Variants in CCDC149 observed in about 807,000 individuals in gnomAD.
CCDC149 encodes coiled-coil domain containing 149.
CCDC149 carries 45 observed loss-of-function variants against 59.9 expected under a neutral mutation model. That is an observed-to-expected ratio of 0.75 (90% confidence interval 0.59 to 0.96). The LOEUF (loss-of-function observed/expected upper bound fraction) is 0.96. CCDC149 is among the 40% of genes least tolerant of loss of function. The probability of loss-of-function intolerance (pLI) is 0.00; values close to 1 mark genes in which losing one functional copy is unlikely to be tolerated. For missense variants in CCDC149, 584 were observed against 664.7 expected (o/e 0.88, Z 1.33); for synonymous variants, 245 against 260.6 (o/e 0.94, Z 0.58).
intron 3 of CCDC149, among the ~76,000 whole-genome samples, chr4:24,864,280 T>C (rs1255683502): frequency 1.3e-5 from 2 of 152,198 alleles, no homozygotes; most frequent in Admixed American, 1.3e-4. Flanking sequence ...TCACCAGCCA[T>C]TATTCCAGAG....
chr4:24,809,248 C>T (rs114629414), intron 12 of CCDC149, among the ~76,000 whole-genome samples: 3,685 of 152,212 alleles, frequency 0.024, 156 homozygotes, highest in African/African-American at 0.084. Context: ...AAGGATAGTT[C>T]GGGAAGGATT....
upstream of CCDC149, among the ~76,000 whole-genome samples, chr4:24,914,076 C>T (rs1246202937): frequency 6.6e-6 from 1 of 152,092 alleles, no homozygotes. Flanking sequence ...TAATTTTTAG[C>T]CCCTGTTGAT....
intron 1 of CCDC149, among the ~76,000 whole-genome samples, chr4:24,911,018 A>AG (rs1721839563): frequency 1.3e-5 from 2 of 152,288 alleles, no homozygotes; most frequent in East Asian, 3.9e-4. Context: ...TTAAGGAGGT[A>AG]TTACTCTGGA....
intron 1 of CCDC149, among the ~76,000 whole-genome samples, chr4:24,892,586 A>C (rs1373059059): frequency 6.6e-6 from 1 of 152,160 alleles, no homozygotes; most frequent in Admixed American, 6.5e-5. Context: ...CAGCCAAAAC[A>C]CTGATGGCAG....
At chr4:24,979,075 A>G (rs1724347242) in intron 1 of CCDC149, among the ~76,000 whole-genome samples, 1 of 152,226 alleles carries the variant, frequency 6.6e-6, no homozygotes, top group Non-Finnish European at 1.5e-5. Flanking sequence ...AACAAATGGA[A>G]GCCAGTAAAG....
rs141088081 is a variant in CCDC149, at chr4:24,909,477, G to C, written c.63+3340C>G. Among the ~76,000 whole-genome samples the C allele has an allele frequency of 7.2e-3, 1,097 of 152,262 alleles. 17 individuals carry two copies. The highest frequency in any genetic ancestry group is 0.025 in the African/African-American group (1,043 of 41,544). On this transcript the variant is annotated intron_variant, in intron 1 of 12. Coordinates refer to ENST00000635206, the MANE Select transcript of CCDC149 (RefSeq NM_001330643.2). ...CTGCCAGCCAAACTTGACTGGGCAG[G>C]GGAATTACCTGGGCAGCTCAGCTTG... is the stretch of plus-strand genomic sequence containing the variant.
intron 1 of CCDC149, among the ~76,000 whole-genome samples, chr4:24,881,501 T>A (rs921755566): frequency 6.6e-6 from 1 of 152,238 alleles, no homozygotes; most frequent in Admixed American, 6.5e-5. Context: ...AGCAGACAAC[T>A]GCCTGGAGAG....
At chr4:24,873,547 C>T (rs1719191699) in intron 3 of CCDC149, 134 bp downstream of exon 3, 2 of 705,256 alleles carry the variant, frequency 2.8e-6, no homozygotes, top group Admixed American at 2.6e-5. Flanking sequence ...CAGTTGGAAT[C>T]TCTACCTACT....
intron 1 of CCDC149, among the ~76,000 whole-genome samples, chr4:24,941,365 C>T (rs1044733503): frequency 6.6e-6 from 1 of 152,154 alleles, no homozygotes; most frequent in African/African-American, 2.4e-5. Flanking sequence ...AAAGACACAA[C>T]ATACCAGAAT....
intron 1 of CCDC149, among the ~76,000 whole-genome samples, chr4:24,887,727 C>T (rs781694701): frequency 3.9e-5 from 6 of 152,064 alleles, no homozygotes; most frequent in Non-Finnish European, 7.4e-5. Flanking sequence ...ACCATCACAG[C>T]AGCCTTCTGG....
chr4:24,825,852 A>T (rs191909146), intron 9 of CCDC149, among the ~76,000 whole-genome samples: 119 of 152,192 alleles, frequency 7.8e-4, no homozygotes, highest in African/African-American at 2.7e-3. Flanking sequence ...ATCTACAGAG[A>T]CCAGTAGGAA....
rs546165656 is a variant in CCDC149 at position 24,972,811 on chromosome 4, C to T, written c.-65+7258G>A. Among the ~76,000 whole-genome samples the T allele has an allele frequency of 2.0e-5, 3 of 152,272 alleles. No individual in the cohort carries two copies. The South Asian group carries it at 6.2e-4, about 32-fold the overall frequency. The stretch of plus-strand genomic sequence containing the variant: ...GTTTATTTGTCACACTTTGAAATAG[C>T]CTGCAACTTTGTTTTTGTGGTGGAA... On this transcript the variant is annotated intron_variant, in intron 1 of 12. Coordinates refer to the CCDC149 transcript ENST00000389609.
intron 1 of CCDC149, among the ~76,000 whole-genome samples, chr4:24,890,339 T>A (rs1720456474): frequency 6.6e-6 from 1 of 152,090 alleles, no homozygotes; most frequent in African/African-American, 2.4e-5. Context: ...GCGAAGAAAC[T>A]AAGGCTCTAA....
intron 4 of CCDC149, among the ~76,000 whole-genome samples, chr4:24,842,851 A>C (rs1292330149): frequency 2.6e-5 from 4 of 151,880 alleles, no homozygotes; most frequent in Admixed American, 2.6e-4. Context: ...ACCTCATCCT[A>C]TTTTCATTTA....
upstream of CCDC149, among the ~76,000 whole-genome samples, chr4:24,913,148 C>T (rs980611361): frequency 1.3e-5 from 2 of 151,838 alleles, no homozygotes; most frequent in Middle Eastern, 3.4e-3. Flanking sequence ...CCCGCGACCT[C>T]GGGCTCCGCG....
chr4:24,853,088 A>G lies in CCDC149; in HGVS notation c.356T>C (p.Val119Ala). ...TCACAGTACCTTGTTGTCGCCCTGG[A>G]CTTCTCCAAGCCTTTGCTGAAGTTC... is the stretch of plus-strand genomic sequence containing the variant. The change falls in exon 4 of 13, where the codon GTC (valine) becomes GCC (alanine). Residue 119 changes from valine to alanine, a missense_variant. Coordinates refer to ENST00000635206, the MANE Select transcript of CCDC149 (RefSeq NM_001330643.2). 1 of 1,611,774 alleles carries G rather than the reference A, an allele frequency of 6.2e-7. No individual in the cohort carries two copies. Among genetic ancestry groups the G allele is most frequent in the Non-Finnish European group, 8.5e-7 (1 of 1,177,904 alleles).
chr4:24,935,382 C>T lies in CCDC149; in HGVS notation c.-64-40264G>A, dbSNP rs542561186. Among the ~76,000 whole-genome samples, 7 of 152,150 alleles carry T rather than the reference C, an allele frequency of 4.6e-5. No individual in the cohort carries two copies. The South Asian group carries it at 8.3e-4, about 18-fold the overall frequency. On this transcript the variant is annotated intron_variant, in intron 1 of 12. Transcript: ENST00000389609. ...TTATATTTTAAATAATTCAAGGGGA[C>T]TATTAGAAATCAAAATAGAGATTTT... is the stretch of plus-strand genomic sequence containing the variant.
At chr4:24,910,857 G>A (rs1374398054) in intron 1 of CCDC149, among the ~76,000 whole-genome samples, 1 of 152,154 alleles carries the variant, frequency 6.6e-6, no homozygotes, top group Non-Finnish European at 1.5e-5. Context: ...CCTACCTTAT[G>A]TCATTGTGAA....
At chr4:24,804,544 G>T (rs192883187), downstream of CCDC149, among the ~76,000 whole-genome samples, 652 of 151,270 alleles carry the variant, frequency 4.3e-3, 1 homozygote, top group Non-Finnish European at 5.8e-3. Context: ...AAGGCTGTGG[G>T]AAAACAACAA....
Sources: gnomAD v4.1 joint callset for allele counts (sites outside exome capture counted in the v4.1 genomes callset) on GRCh38, gnomAD v4.1.1 for gene constraint, MANE v1.5 for transcripts, NCBI Gene and HGNC (gene_info 2026-07-23, HGNC 2026-07-21) for gene names.